Variants in ERC1 observed in about 807,000 individuals in gnomAD.
The protein encoded by ERC1 is RAB6 interacting protein 2.
Under a neutral mutation model 132.0 loss-of-function variants are expected in ERC1, and 56 were observed. The observed-to-expected ratio is 0.42, with a 90% CI of 0.34 to 0.53. ERC1 has a LOEUF of 0.53. ERC1 is among the 20% of genes least tolerant of loss of function. The pLI, the probability that ERC1 is intolerant of heterozygous loss-of-function variation, is 0.03. For synonymous variants in ERC1, 478 were observed against 476.1 expected (o/e 1.00, Z -0.05); for missense variants, 1,202 against 1,349.9 (o/e 0.89, Z 1.72).
At chr12:1,254,588 C>G (rs1419595837) in intron 13 of ERC1, among the ~76,000 whole-genome samples, 1 of 152,156 alleles carries the variant, frequency 6.6e-6, no homozygotes, top group Non-Finnish European at 1.5e-5. Context: ...TCTTGGCTCA[C>G]TGCAACCACC....
At chr12:1,033,517 G>A (rs969699636) in intron 2 of ERC1, among the ~76,000 whole-genome samples, 2 of 151,056 alleles carry the variant, frequency 1.3e-5, no homozygotes, top group Non-Finnish European at 2.9e-5. Context: ...AGGCTGGAGC[G>A]CAATGGCACA....
At chr12:1,313,198 T>C (rs867807181) in intron 15 of ERC1, among the ~76,000 whole-genome samples, 1 of 151,928 alleles carries the variant, frequency 6.6e-6, no homozygotes, top group Admixed American at 6.6e-5. Context: ...TTCCAGAATA[T>C]GAAGAAAGAC....
At chr12:1,112,991 T>G (rs1946053662) in intron 6 of ERC1, among the ~76,000 whole-genome samples, 1 of 152,230 alleles carries the variant, frequency 6.6e-6, no homozygotes, top group African/African-American at 2.4e-5. Flanking sequence ...AAATGGATGT[T>G]GTGTCTGTGC....
chr12:1,386,894 G>C (rs2089439783), intron 16 of ERC1: 1 of 152,178 alleles, frequency 6.6e-6, no homozygotes, highest in South Asian at 2.1e-4. Flanking sequence ...AAGATTTTCT[G>C]TCAACAGAGC....
At chr12:1,241,754 C>G (rs1001953757) in intron 13 of ERC1, among the ~76,000 whole-genome samples, 7 of 151,578 alleles carry the variant, frequency 4.6e-5, no homozygotes, top group Non-Finnish European at 1.0e-4. Flanking sequence ...TTAAATCTAC[C>G]TAATCATATG....
chr12:1,493,055 G>A lies in ERC1; in HGVS notation c.*2825G>A. 4.5e-6 allele frequency: 1 copy of A among 223,348 alleles called. No individual in the cohort carries two copies. Among genetic ancestry groups the A allele is most frequent in the Non-Finnish European group, 8.9e-6 (1 of 111,806 alleles). 13.8% of individuals were successfully genotyped at this position (223,348 alleles called of 1,614,324 possible). On this transcript the variant is annotated 3_prime_UTR_variant, in exon 19 of 19. Coordinates refer to ENST00000360905, the MANE Select transcript of ERC1 (RefSeq NM_178040.4). ...CCAAACCAATGTCACCATAAAGAGG[G>A]CACGAAGAAGAGTGGGTGTGATCCC...
intron 12 of ERC1, among the ~76,000 whole-genome samples, chr12:1,225,260 A>G (rs765609158): frequency 1.3e-5 from 2 of 151,866 alleles, no homozygotes; most frequent in African/African-American, 2.4e-5. Flanking sequence ...GGAGTTCAAG[A>G]CCAGCCTGGG....
chr12:1,459,587 C>T (rs564918239), intron 18 of ERC1, among the ~76,000 whole-genome samples: 28 of 152,202 alleles, frequency 1.8e-4, no homozygotes, highest in African/African-American at 6.3e-4. Context: ...GCATTTGGCA[C>T]CATTATAGTA....
intron 2 of ERC1, among the ~76,000 whole-genome samples, chr12:1,037,211 TTC>T (rs1237206186): frequency 1.3e-5 from 2 of 152,240 alleles, no homozygotes; most frequent in Non-Finnish European, 1.5e-5. Flanking sequence ...TAATTGCAGT[TTC>T]TCTCTCACTT....
At chr12:1,325,354 G>GA (rs2082375275) in intron 15 of ERC1, among the ~76,000 whole-genome samples, 1 of 152,052 alleles carries the variant, frequency 6.6e-6, no homozygotes, top group South Asian at 2.1e-4. Context: ...TTTCGAGGTT[G>GA]AAAAAATGCT....
chr12:1,408,084 C>G (rs1240676070), intron 16 of ERC1, 65 bp from the exon 17 acceptor site: 5 of 1,084,902 alleles, frequency 4.6e-6, no homozygotes, highest in Non-Finnish European at 7.0e-6. Flanking sequence ...TTAAAATACT[C>G]GTTACTTTAC....
At chr12:1,174,979 G>C (rs569698945) in intron 8 of ERC1, among the ~76,000 whole-genome samples, 1 of 152,096 alleles carries the variant, frequency 6.6e-6, no homozygotes, top group Non-Finnish European at 1.5e-5. Context: ...AAATTTTTTG[G>C]CTTCCCAGAG....
intron 18 of ERC1, among the ~76,000 whole-genome samples, chr12:1,474,851 C>T (rs1008139750): frequency 6.6e-6 from 1 of 152,154 alleles, no homozygotes; most frequent in East Asian, 1.9e-4. Flanking sequence ...TTCCTCCGTT[C>T]GTTTCTTCCC....
At chr12:1,027,161 A>T (rs930174803) in intron 1 of ERC1, among the ~76,000 whole-genome samples, 1 of 152,162 alleles carries the variant, frequency 6.6e-6, no homozygotes, top group African/African-American at 2.4e-5. Context: ...TGTGAATGGG[A>T]TTTAAAATTT....
At chr12:1,296,624 G>C (rs1192682985) in intron 15 of ERC1, among the ~76,000 whole-genome samples, 1 of 151,950 alleles carries the variant, frequency 6.6e-6, no homozygotes, top group Non-Finnish European at 1.5e-5. Context: ...TGTTGGTCAG[G>C]CTGGTCTCAA....
chr12:1,280,255 G>A (rs1437980043), intron 14 of ERC1, among the ~76,000 whole-genome samples: 2 of 152,082 alleles, frequency 1.3e-5, no homozygotes, highest in Non-Finnish European at 2.9e-5. Flanking sequence ...ATTTTTATAT[G>A]CAGTTTATAT....
chr12:1,189,587 T>G (rs142847792), intron 11 of ERC1, among the ~76,000 whole-genome samples: 58 of 152,364 alleles, frequency 3.8e-4, no homozygotes, highest in African/African-American at 1.4e-3. Context: ...CTCTGAAGCA[T>G]CTTTTGCCTT....
intron 17 of ERC1, among the ~76,000 whole-genome samples, chr12:1,442,353 T>C (rs2093179725): frequency 6.6e-6 from 1 of 152,246 alleles, no homozygotes; most frequent in African/African-American, 2.4e-5. Flanking sequence ...CTTCCTTCTG[T>C]GACTGGCTGT....
chr12:1,142,938 G>A (rs116637897), intron 8 of ERC1, among the ~76,000 whole-genome samples: 1,760 of 152,180 alleles, frequency 0.012, 24 homozygotes, highest in African/African-American at 0.039. Context: ...TCACTTTGTC[G>A]CCCAGACTGG....
Sources: allele counts gnomAD v4.1 joint callset (sites outside exome capture counted in the v4.1 genomes callset), GRCh38; gene constraint gnomAD v4.1.1; transcripts MANE v1.5; gene names NCBI Gene and HGNC (gene_info 2026-07-23, HGNC 2026-07-21).